SPON1: variants seen among roughly 807,000 people sequenced by gnomAD.
The protein encoded by SPON1 is spondin 1, also known as spondin-1.
In SPON1, 52 loss-of-function variants were observed where a neutral mutation model predicts 111.7. The observed-to-expected ratio is 0.47, with a 90% CI of 0.37 to 0.59. The LOEUF (loss-of-function observed/expected upper bound fraction) is 0.59. Among genes scored for constraint, SPON1 ranks in the 20% least tolerant of loss-of-function variants. The pLI is 0.00. For synonymous variants in SPON1, 410 were observed against 395.8 expected, an observed-to-expected ratio of 1.04 and a Z score of -0.43; for missense variants, 957 against 1,068.5, an observed-to-expected ratio of 0.90 and a Z score of 1.46.
intron 6 of SPON1, among the ~76,000 whole-genome samples, chr11:14,225,273 G>T (rs1848724999): frequency 6.6e-6 from 1 of 152,040 alleles, no homozygotes; most frequent in South Asian, 2.1e-4. Flanking sequence ...ATTATGAATT[G>T]TTTTTATATT....
intron 6 of SPON1, among the ~76,000 whole-genome samples, chr11:14,201,916 A>AT (rs1160794681): frequency 9.9e-5 from 15 of 152,036 alleles, no homozygotes; most frequent in Non-Finnish European, 1.5e-4. Context: ...TGGAGAAGTC[A>AT]TTTTTTTTCC....
At chr11:13,992,283 G>T (rs1243199605) in intron 2 of SPON1, among the ~76,000 whole-genome samples, 1 of 152,188 alleles carries the variant, frequency 6.6e-6, no homozygotes, top group Non-Finnish European at 1.5e-5. Flanking sequence ...CTGGCAGTCT[G>T]GCCACAGCAG....
At chr11:14,152,099 G>C (rs1363481568) in intron 6 of SPON1, among the ~76,000 whole-genome samples, 3 of 152,200 alleles carry the variant, frequency 2.0e-5, no homozygotes, top group Non-Finnish European at 4.4e-5. Context: ...GTAGGAGTCA[G>C]TCTGAGCTGG....
chr11:14,186,538 A>C (rs1400028625), intron 6 of SPON1, among the ~76,000 whole-genome samples: 1 of 151,826 alleles, frequency 6.6e-6, no homozygotes, highest in East Asian at 1.9e-4. Flanking sequence ...ATTTTCTTTG[A>C]CTCTGTACCT....
intron 6 of SPON1, among the ~76,000 whole-genome samples, chr11:14,196,398 G>A (rs555582499): frequency 5.1e-4 from 77 of 152,052 alleles, no homozygotes; most frequent in Non-Finnish European, 9.0e-4. Flanking sequence ...AATCTATTGC[G>A]GTGATGTTTA....
At chr11:13,980,266 C>A (rs1165924247) in intron 1 of SPON1, among the ~76,000 whole-genome samples, 1 of 152,022 alleles carries the variant, frequency 6.6e-6, no homozygotes, top group Non-Finnish European at 1.5e-5. Context: ...GGTCTTGAAC[C>A]CTGGCCTCAA....
rs368515210 is a variant in SPON1, at chr11:14,123,691, CCT to C, written c.677-11724_677-11723del. ...AAGTTCCATCTCCATGCAGCTTCCT[CCT>C]CTCTGGCATTCTAGCCCATAAATCC... On this transcript the variant is annotated intron_variant, in intron 5 of 15. Coordinates refer to ENST00000576479, the MANE Select transcript of SPON1 (RefSeq NM_006108.4). 4.4e-3 allele frequency among the ~76,000 whole-genome samples: 671 copies of C among 152,286 alleles called. 6 individuals carry two copies. Among genetic ancestry groups the C allele is most frequent in the African/African-American group, 0.015 (617 of 41,562 alleles).
In SPON1 at chr11:14,090,831, CCCCCCCCCCCCCCG is replaced by C. The variant is rs1234208517; in HGVS notation, c.676+10814_676+10827del. 1.7e-3 allele frequency among the ~76,000 whole-genome samples: 22 copies of C among 12,912 alleles called. 1 individual carries two copies. Among genetic ancestry groups the C allele is most frequent in the Middle Eastern group, 0.029 (1 of 34 alleles). The allele number at this position is 12,912 out of a possible 152,430, so 8.5% of individuals were successfully genotyped here. ...CTTTTATTCTCTTATCTGGCCCCCC[CCCCCCCCCCCCCCG>C]CCCACATCCTGCTGATTGGTAGAGC... On this transcript the variant is annotated intron_variant, in intron 5 of 15. Coordinates refer to ENST00000576479, the MANE Select transcript of SPON1 (RefSeq NM_006108.4).
rs544570051 is a variant in SPON1, at chr11:14,209,667, G to A, written c.826-33665G>A. Among the ~76,000 whole-genome samples the A allele has an allele frequency of 6.6e-5, 10 of 152,244 alleles. 1 individual carries two copies. The South Asian group carries it at 2.1e-3, about 32-fold the overall frequency. On this transcript the variant is annotated intron_variant, in intron 6 of 15. Coordinates refer to ENST00000576479, the MANE Select transcript of SPON1 (RefSeq NM_006108.4). ...TTCTTCATCCAGTCTATCATTGATGGGCATTTGGGTTGGTTCCAAGTCTTT... is the reference window on the plus strand; with the variant it reads ...TTCTTCATCCAGTCTATCATTGATGAGCATTTGGGTTGGTTCCAAGTCTTT...
In SPON1 at chr11:14,230,583, C is replaced by T. The variant is rs371146868; in HGVS notation, c.826-12749C>T. ...CTGTCCCCCTGCCCACCTTCCCAGC[C>T]GCTGCCTTGGCTTCAAGCCCATTGG... On this transcript the variant is annotated intron_variant, in intron 6 of 15. Transcript: ENST00000576479. Among the ~76,000 whole-genome samples, 83 of 152,340 alleles carry T rather than the reference C, an allele frequency of 5.4e-4. 1 individual carries two copies. In the South Asian group the frequency reaches 0.016, roughly 30 times the overall value.
chr11:14,119,424 A>G (rs1358440581), intron 5 of SPON1, among the ~76,000 whole-genome samples: 1 of 152,112 alleles, frequency 6.6e-6, no homozygotes, highest in African/African-American at 2.4e-5. Context: ...CCCACCCCCT[A>G]TTGACCAAGG....
chr11:14,090,828 C>G (rs1554923227), intron 5 of SPON1, among the ~76,000 whole-genome samples: 7 of 3,770 alleles, frequency 1.9e-3, no homozygotes, highest in Non-Finnish European at 4.0e-3. Context: ...TATCTGGCCC[C>G]CCCCCCCCCC....
At chr11:14,130,878 GCCTT>G (rs1847520452) in intron 5 of SPON1, among the ~76,000 whole-genome samples, 1 of 150,992 alleles carries the variant, frequency 6.6e-6, no homozygotes, top group Admixed American at 6.6e-5. Flanking sequence ...CATAAAAAAT[GCCTT>G]CCTTTTCTCA....
chr11:14,063,936 C>G (rs1848811079), intron 3 of SPON1, among the ~76,000 whole-genome samples: 1 of 152,228 alleles, frequency 6.6e-6, no homozygotes, highest in Admixed American at 6.5e-5. Context: ...ATGATTCAGA[C>G]CAGTCACTGT....
intron 3 of SPON1, among the ~76,000 whole-genome samples, chr11:14,073,500 C>T (rs1227310736): frequency 1.3e-5 from 2 of 152,166 alleles, no homozygotes; most frequent in Non-Finnish European, 2.9e-5. Context: ...CATGTCCCTC[C>T]CCTCCTGAAG....
chr11:14,166,815 C>T (rs377360206), intron 6 of SPON1, among the ~76,000 whole-genome samples: 1 of 152,134 alleles, frequency 6.6e-6, no homozygotes, highest in Non-Finnish European at 1.5e-5. Flanking sequence ...AGCATTTACT[C>T]TTCTATTTGA....
At chr11:14,134,415 C>A (rs1847566796) in intron 5 of SPON1, among the ~76,000 whole-genome samples, 1 of 152,162 alleles carries the variant, frequency 6.6e-6, no homozygotes, top group Admixed American at 6.5e-5. Flanking sequence ...TTGCTCCAGC[C>A]CAGATCTTAC....
At position 14,262,743 on chromosome 11, in the gene SPON1, G is replaced by T. The variant is rs782558027; in HGVS notation, c.2028G>T (p.Gln676His). ...ACTGTGAGCTCACCGAGTGGTCCCA[G>T]TGGTCGGAATGTAACAAGTCATGTG... ...PIDCELTEWS[Q>H]WSECNKSCGK... The change falls in exon 15 of 16, where the codon CAG becomes CAT. Residue 676 changes from glutamine (Q) to histidine (H), a missense_variant. This residue lies in a region of SPON1 where 549 missense variants were observed against 606.2 expected (regional missense o/e 0.91). Transcript: ENST00000576479. The T allele has an allele frequency of 6.2e-7, 1 of 1,613,978 alleles. No individual in the cohort carries two copies. The highest frequency in any genetic ancestry group is 1.1e-5 in the South Asian group (1 of 91,070).
intron 5 of SPON1, among the ~76,000 whole-genome samples, chr11:14,106,663 A>T (rs782083160): frequency 6.6e-6 from 1 of 152,196 alleles, no homozygotes; most frequent in African/African-American, 2.4e-5. Flanking sequence ...GTGAAAGAAC[A>T]TAGAAGACGA....
Sources: gnomAD v4.1 joint callset for allele counts (sites outside exome capture counted in the v4.1 genomes callset) on GRCh38, gnomAD v4.1.1 for gene constraint, gnomAD v4.1.1 regional missense constraint, MANE v1.5 for transcripts, NCBI Gene and HGNC (gene_info 2026-07-23, HGNC 2026-07-21) for gene names.